The following PCDHGA3 variants were observed in gnomAD, a reference collection of about 807,000 sequenced individuals.
PCDHGA3 encodes protocadherin gamma subfamily A, 3.
Under a neutral mutation model 58.5 loss-of-function variants are expected in PCDHGA3, and 40 were observed. The observed-to-expected ratio is 0.68, with a 90% CI of 0.53 to 0.89. PCDHGA3 has a LOEUF of 0.89. Ranked by LOEUF, PCDHGA3 falls within the 40% of genes least tolerant of loss-of-function variation. PCDHGA3 has a pLI of 0.00. For synonymous variants in PCDHGA3, 530 were observed against 525.7 expected (o/e 1.01, Z -0.11); for missense variants, 1,223 against 1,195.9 (o/e 1.02, Z -0.33).
Position 141,365,799 on chromosome 5 carries a change from C to T in PCDHGA3, c.2424+19342C>T, listed in dbSNP as rs755374983. 8 of 1,613,942 alleles carry T rather than the reference C, an allele frequency of 5.0e-6. No individual in the cohort carries two copies. The Admixed American group carries it at 6.7e-5, about 13-fold the overall frequency. ...GGCGACAACGCTCGAGTCACCTACT[C>T]CCTGGCTGAAGACACATTTCAGGGG... On this transcript the variant is annotated intron_variant, in intron 1 of 3. Transcript: ENST00000253812.
intron 1 of PCDHGA3, among the ~76,000 whole-genome samples, chr5:141,444,771 T>C (rs987549188): frequency 6.6e-6 from 1 of 152,246 alleles, no homozygotes; most frequent in African/African-American, 2.4e-5. Context: ...TTCTATATTC[T>C]TGATCATGTT....
In PCDHGA3 at chr5:141,489,098, T is replaced by C; in HGVS notation, c.2425-5709T>C. 1 of 293,346 alleles carries C rather than the reference T, an allele frequency of 3.4e-6. No homozygotes were observed. The highest frequency in any genetic ancestry group is 5.5e-5 in the South Asian group (1 of 18,124). The allele number at this position is 293,346 out of a possible 1,614,324, so 18.2% of individuals were successfully genotyped here. A position where few individuals can be genotyped will look rare whatever the true frequency, so the allele number is the denominator to read the frequency against. ...CCCCCGCCACTCGGTGACTAAGAAC[T>C]GCTGCAAGCAGGCAAACCTCCGAGC... On this transcript the variant is annotated intron_variant, in intron 1 of 3. Transcript: ENST00000253812. The surrounding 1 kb of genome is among the most constrained non-coding windows in gnomAD (Gnocchi z 4.5).
intron 1 of PCDHGA3, chr5:141,441,088 G>A (rs1050261040): frequency 3.9e-5 from 6 of 152,162 alleles, no homozygotes; most frequent in African/African-American, 1.4e-4. Context: ...GGTAGCAAGT[G>A]ACAGAGAGGG....
At chr5:141,372,077 G>A (rs533920380) in intron 1 of PCDHGA3, 223 of 1,613,592 alleles carry the variant, frequency 1.4e-4, no homozygotes, top group Non-Finnish European at 1.8e-4. Context: ...ATGCACCGCT[G>A]GTGCTGTACC....
chr5:141,430,404 A>C (rs1054341813), intron 1 of PCDHGA3, among the ~76,000 whole-genome samples: 1 of 152,000 alleles, frequency 6.6e-6, no homozygotes, highest in African/African-American at 2.4e-5. Context: ...AAAGCTCACT[A>C]AAGTTTCTAT....
chr5:141,346,018 T>C lies in PCDHGA3; in HGVS notation c.1985T>C (p.Val662Ala). ...PPLSATVTLT[V>A]AVADRIPDIL... is the part of the protein sequence containing the mutation. ...CTCTCCGCCACTGTCACGCTCACCG[T>C]GGCCGTGGCCGACAGGATCCCCGAC... Residue 662 changes from valine (V) to alanine (A), a missense_variant, in exon 1 of 4, where the codon GTG becomes GCG. Transcript: ENST00000253812. 6.2e-7 allele frequency: 1 copy of C among 1,613,424 alleles called. No individual in the cohort carries two copies. The highest frequency in any genetic ancestry group is 8.5e-7 in the Non-Finnish European group (1 of 1,179,814).
chr5:141,500,367 C>A (rs953610460), intron 2 of PCDHGA3, among the ~76,000 whole-genome samples: 7 of 151,940 alleles, frequency 4.6e-5, no homozygotes, highest in African/African-American at 1.7e-4. Context: ...CACTACCACG[C>A]CCGGCTAATT....
chr5:141,400,126 G>C, intron 1 of PCDHGA3: 1 of 1,614,090 alleles, frequency 6.2e-7, no homozygotes. Context: ...CTTGCAGGAG[G>C]TGCTGCCGGA....
chr5:141,505,284 G>A, intron 2 of PCDHGA3, 109 bp from the exon 3 acceptor site: 1 of 1,548,402 alleles, frequency 6.5e-7, no homozygotes. Flanking sequence ...CAGGTCTTGG[G>A]CATGGGGTAG....
At chr5:141,394,101 C>A (rs753056702) in intron 1 of PCDHGA3, 7 of 1,613,944 alleles carry the variant, frequency 4.3e-6, no homozygotes, top group Middle Eastern at 1.6e-4. Flanking sequence ...TCTAGGAACA[C>A]CACCTCTGTC....
intron 1 of PCDHGA3, among the ~76,000 whole-genome samples, chr5:141,492,574 G>T (rs2099742096): frequency 6.6e-6 from 1 of 152,232 alleles, no homozygotes; most frequent in Non-Finnish European, 1.5e-5. Flanking sequence ...TGAGCGAGGC[G>T]CGGGGCCAGG....
Position 141,362,245 on chromosome 5 carries a change from T to C in PCDHGA3, c.2424+15788T>C, listed in dbSNP as rs767098802. On this transcript the variant is annotated intron_variant, in intron 1 of 3. Coordinates refer to ENST00000253812, the MANE Select transcript of PCDHGA3 (RefSeq NM_018916.4). ...CTTGGCCTTGATCTCAGTGCTCTTC[T>C]TCCTCGCGGTGATTCTGGCAATCTC... 6.8e-6 allele frequency: 11 copies of C among 1,613,926 alleles called. No individual in the cohort carries two copies. The African/African-American group carries it at 1.2e-4, about 18-fold the overall frequency.
At chr5:141,372,234 C>G in intron 1 of PCDHGA3, 1 of 1,613,350 alleles carries the variant, frequency 6.2e-7, no homozygotes, top group Non-Finnish European at 8.5e-7. Context: ...GGCCAGCGAG[C>G]CCGGGCTGTT....
intron 1 of PCDHGA3, chr5:141,421,221 G>A (rs746753262): frequency 6.3e-7 from 1 of 1,576,508 alleles, no homozygotes; most frequent in Non-Finnish European, 8.6e-7. Context: ...TCGGCTTAGA[G>A]CCTGCCATGG....
chr5:141,404,142 C>CAGA (rs781433913), intron 1 of PCDHGA3: 9 of 1,612,668 alleles, frequency 5.6e-6, no homozygotes, highest in Non-Finnish European at 6.8e-6. Flanking sequence ...TTAGAAAATT[C>CAGA]AGAAGAAGAT....
In PCDHGA3 at chr5:141,431,048, A is replaced by T; in HGVS notation, c.2425-63759A>T. On this transcript the variant is annotated intron_variant, in intron 1 of 3. Transcript: ENST00000253812. This position sits in a 1 kb window ranked among gnomAD's most constrained non-coding sequence, Gnocchi z 4.8. ...CAGGATAGACCGGGAGGAGCTCTGT[A>T]TGGGGGCCATCAAGTGTCAATTAAA... 6.2e-7 allele frequency: 1 copy of T among 1,614,180 alleles called. No homozygotes were observed. The highest frequency in any genetic ancestry group is 1.1e-5 in the South Asian group (1 of 91,088).
rs1561508554 is a variant in PCDHGA3, at chr5:141,355,365, G to A, written c.2424+8908G>A. The A allele has an allele frequency of 3.1e-6, 5 of 1,614,040 alleles. No homozygotes were observed. The South Asian group carries it at 4.4e-5, about 14-fold the overall frequency. On this transcript the variant is annotated intron_variant, in intron 1 of 3. Coordinates refer to ENST00000253812, the MANE Select transcript of PCDHGA3 (RefSeq NM_018916.4). ...ACATCGCCAAGGACCTGGGGTTGGC[G>A]CCCCGGGAGCTGGCGGAGCGCGGAG...
intron 1 of PCDHGA3, chr5:141,408,865 A>G (rs765751172): frequency 6.2e-7 from 1 of 1,613,684 alleles, no homozygotes. Context: ...GGGACCCACC[A>G]AGAAGTGCCA....
Position 141,376,684 on chromosome 5 carries a change from T to G in PCDHGA3, c.2424+30227T>G, listed in dbSNP as rs574993154. 1.2e-3 allele frequency: 1,011 copies of G among 809,238 alleles called. 6 individuals carry two copies. Among genetic ancestry groups the G allele is most frequent in the Non-Finnish European group, 1.3e-3 (680 of 543,972 alleles). The allele number at this position is 809,238 out of a possible 1,614,324, so 50.1% of individuals were successfully genotyped here. On this transcript the variant is annotated intron_variant, in intron 1 of 3. Coordinates refer to ENST00000253812, the MANE Select transcript of PCDHGA3 (RefSeq NM_018916.4). ...GTTCAGGTGAGGGTATCGTTTTTTT[T>G]TTTTTTTTTTTTTGAGACGGAGTCT...
Sources: allele counts gnomAD v4.1 joint callset (sites outside exome capture counted in the v4.1 genomes callset), GRCh38; gene constraint gnomAD v4.1.1; non-coding constraint Gnocchi (gnomAD v3.1); transcripts MANE v1.5; gene names NCBI Gene and HGNC (gene_info 2026-07-23, HGNC 2026-07-21).